MLF1: variants seen among roughly 807,000 people sequenced by gnomAD.
MLF1 encodes myeloid leukemia factor 1, also known as myelodysplasia-myeloid leukemia factor 1.
Under a neutral mutation model 38.3 loss-of-function variants are expected in MLF1, and 37 were observed. The observed-to-expected ratio is 0.96, with a 90% confidence interval of 0.74 to 1.27. MLF1 has a LOEUF of 1.27. Ranked by LOEUF, MLF1 falls within the 50% of genes most tolerant of loss-of-function variation. The pLI is 0.00. For synonymous variants in MLF1, 95 were observed against 106.5 expected, an observed-to-expected ratio of 0.89 and a Z score of 0.66; for missense variants, 331 against 349.2, an observed-to-expected ratio of 0.95 and a Z score of 0.42.
At chr3:158,576,459 T>C (rs1242185734) in intron 1 of MLF1, among the ~76,000 whole-genome samples, 1 of 152,188 alleles carries the variant, frequency 6.6e-6, no homozygotes, top group Admixed American at 6.5e-5. Flanking sequence ...TCCTGTACCC[T>C]AAAAAACATC....
rs897118393 is a variant in MLF1 at position 158,605,396 on chromosome 3, A to G, written c.*194A>G. The G allele has an allele frequency of 1.2e-5, 5 of 418,186 alleles. No homozygotes were observed. The highest frequency in any genetic ancestry group is 8.0e-5 in the African/African-American group (4 of 50,126). 25.9% of individuals were successfully genotyped at this position (418,186 alleles called of 1,614,324 possible). A position where few individuals can be genotyped will look rare whatever the true frequency, so the allele number is the denominator to read the frequency against. On this transcript the variant is annotated 3_prime_UTR_variant, in exon 8 of 8. Coordinates refer to ENST00000466246, the MANE Select transcript of MLF1 (RefSeq NM_001369783.1). Reference sequence around the variant, plus strand: ...TAGGAATAAAATTTTGATTTTCAACAATGTGAGTAAATTGAGTCTATTTAA... The same window carrying G: ...TAGGAATAAAATTTTGATTTTCAACGATGTGAGTAAATTGAGTCTATTTAA...
At chr3:158,587,336 T>C (rs1459343875) in intron 1 of MLF1, among the ~76,000 whole-genome samples, 1 of 152,136 alleles carries the variant, frequency 6.6e-6, no homozygotes, top group Non-Finnish European at 1.5e-5. Context: ...TTTTAAAAGG[T>C]GTTTGCCCAT....
chr3:158,584,663 G>GTGTGTGTT (rs1244256562), intron 1 of MLF1, among the ~76,000 whole-genome samples: 146 of 71,030 alleles, frequency 2.1e-3, no homozygotes, highest in African/African-American at 5.0e-3. Flanking sequence ...AAGAAAGTGT[G>GTGTGTGTT]TGTGTGTGTG....
intron 1 of MLF1, chr3:158,573,368 C>CGGGGCGGGGGGAGG (rs1408853869): frequency 2.0e-4 from 3 of 15,340 alleles, no homozygotes; most frequent in African/African-American, 5.5e-4. Context: ...GCTGATGGGG[C>CGGGGCGGGGGGAGG]GGGGCGGGGG....
At chr3:158,590,559 A>C (rs969611602) in intron 1 of MLF1, among the ~76,000 whole-genome samples, 9 of 152,238 alleles carry the variant, frequency 5.9e-5, no homozygotes, top group African/African-American at 2.2e-4. Context: ...CTTAGCAATA[A>C]AACTGAATGA....
chr3:158,582,009 G>A (rs1435168921), intron 1 of MLF1, among the ~76,000 whole-genome samples: 10 of 151,994 alleles, frequency 6.6e-5, no homozygotes, highest in South Asian at 2.1e-4. Context: ...GCAAAATCCC[G>A]TCTCTACTAA....
chr3:158,594,748 G>A (rs890174335), intron 3 of MLF1, among the ~76,000 whole-genome samples: 1 of 152,150 alleles, frequency 6.6e-6, no homozygotes, highest in Non-Finnish European at 1.5e-5. Context: ...CAGTAGAGAG[G>A]GAGAAGGGAA....
Position 158,584,658 on chromosome 3 carries a change from A to AGTGTGTGT in MLF1, c.48-7741_48-7734dup, listed in dbSNP as rs56885799. On this transcript the variant is annotated intron_variant, in intron 1 of 7. Coordinates refer to ENST00000466246, the MANE Select transcript of MLF1 (RefSeq NM_001369783.1). ...AAGGATATTTAATCTCCATAAAGAA[A>AGTGTGTGT]GTGTGTGTGTGTGTGTGTGTGTGTG... 4.5e-3 allele frequency among the ~76,000 whole-genome samples: 598 copies of AGTGTGTGT among 134,346 alleles called. 4 individuals are homozygous for AGTGTGTGT. Among genetic ancestry groups the AGTGTGTGT allele is most frequent in the Non-Finnish European group, 6.5e-3 (398 of 61,410 alleles). 88.1% of individuals were successfully genotyped at this position (134,346 alleles called of 152,430 possible).
chr3:158,588,493 C>T (rs1717603894), intron 1 of MLF1, among the ~76,000 whole-genome samples: 2 of 149,760 alleles, frequency 1.3e-5, no homozygotes, highest in Non-Finnish European at 3.0e-5. Flanking sequence ...CCCAGCTACT[C>T]GGGGGGCTGA....
At chr3:158,600,302 G>T in intron 6 of MLF1, 129 bp downstream of exon 6, 1 of 444,356 alleles carries the variant, frequency 2.3e-6, no homozygotes, top group Non-Finnish European at 3.7e-6. Flanking sequence ...AATACCTTGT[G>T]AAAGTAATAG....
chr3:158,580,438 GT>G (rs1273163703), intron 1 of MLF1, among the ~76,000 whole-genome samples: 2 of 152,100 alleles, frequency 1.3e-5, no homozygotes, highest in African/African-American at 4.8e-5. Context: ...GCCTTCTAGT[GT>G]GCTAAAACAT....
At position 158,600,172 on chromosome 3, in the gene MLF1, A is replaced by T. The variant is rs1719532179; in HGVS notation, c.612A>T (p.Glu204Asp). The T allele has an allele frequency of 7.1e-7, 1 of 1,418,400 alleles. No homozygotes were observed. The highest frequency in any genetic ancestry group is 9.3e-7 in the Non-Finnish European group (1 of 1,080,870). The allele number at this position is 1,418,400 out of a possible 1,614,324, so 87.9% of individuals were successfully genotyped here. ...EVNQEFINMN[E>D]SDAHAFDEEW... is the part of the protein sequence containing the mutation. ...ACCAGGAGTTCATCAATATGAATGA[A>T]AGTAAGTTATCACAAAAAAATAATA... Residue 204 changes from glutamate (E) to aspartate (D), a missense_variant and splice_region_variant, in exon 6 of 8, where the codon GAA (glutamate) becomes GAT (aspartate). By Grantham distance (45) the Glu-to-Asp change is conservative. Coordinates refer to ENST00000466246, the MANE Select transcript of MLF1 (RefSeq NM_001369783.1).
chr3:158,591,822 A>G (rs538925333), intron 1 of MLF1, among the ~76,000 whole-genome samples: 1 of 149,228 alleles, frequency 6.7e-6, no homozygotes, highest in East Asian at 2.0e-4. Context: ...TGGTATTTTT[A>G]TGCAATATGG....
chr3:158,576,034 A>G (rs1307781531), intron 1 of MLF1, among the ~76,000 whole-genome samples: 4 of 152,208 alleles, frequency 2.6e-5, no homozygotes, highest in Non-Finnish European at 5.9e-5. Context: ...ATATTTAAGT[A>G]AAAAGTAATT....
At chr3:158,578,155 A>G (rs1715750425) in intron 1 of MLF1, among the ~76,000 whole-genome samples, 2 of 152,048 alleles carry the variant, frequency 1.3e-5, no homozygotes, top group Admixed American at 1.3e-4. Context: ...AGTCTACCTC[A>G]TTGAAACTAG....
intron 1 of MLF1, among the ~76,000 whole-genome samples, chr3:158,580,764 A>G (rs899342829): frequency 3.3e-5 from 5 of 150,200 alleles, no homozygotes; most frequent in Non-Finnish European, 7.4e-5. Context: ...CCTGAGCAAC[A>G]TGGCAAAATC....
At chr3:158,604,078 T>C (rs148055809) in intron 7 of MLF1, among the ~76,000 whole-genome samples, 10 of 152,324 alleles carry the variant, frequency 6.6e-5, no homozygotes, top group Admixed American at 2.0e-4. Context: ...GAGTATCAAG[T>C]AAATCAGAAG....
chr3:158,598,023 T>C, intron 4 of MLF1, 57 bp from the exon 5 acceptor site: 1 of 1,578,242 alleles, frequency 6.3e-7, no homozygotes, highest in Non-Finnish European at 8.7e-7. Context: ...ATTTGAACTC[T>C]CTGGCAATAA....
intron 7 of MLF1, among the ~76,000 whole-genome samples, chr3:158,603,614 G>C (rs1002411344): frequency 6.6e-6 from 1 of 152,104 alleles, no homozygotes; most frequent in African/African-American, 2.4e-5. Context: ...GAGGCAGGTG[G>C]ATCAGTTGCG....
Sources: allele counts gnomAD v4.1 joint callset (sites outside exome capture counted in the v4.1 genomes callset), GRCh38; gene constraint gnomAD v4.1.1; transcripts MANE v1.5; gene names NCBI Gene and HGNC (gene_info 2026-07-23, HGNC 2026-07-21).